The following TMTC2 variants were observed in gnomAD, a reference collection of about 807,000 sequenced individuals.
The protein encoded by TMTC2 is transmembrane O-mannosyltransferase targeting cadherins 2, also known as protein O-mannosyl-transferase TMTC2.
A neutral mutation model predicts 82.4 loss-of-function variants in TMTC2; 43 were observed. The ratio of observed to expected loss-of-function variants is 0.52; its 90% CI spans 0.41 to 0.67. The LOEUF (loss-of-function observed/expected upper bound fraction) is 0.67, where lower values mean the gene tolerates loss of function less well. TMTC2 is among the 30% of genes least tolerant of loss of function. The probability of loss-of-function intolerance (pLI) is 0.00; values close to 1 mark genes in which losing one functional copy is unlikely to be tolerated. For missense variants in TMTC2, 919 were observed against 1,012.4 expected, an observed-to-expected ratio of 0.91 and a Z score of 1.25; for synonymous variants, 408 against 381.9, an observed-to-expected ratio of 1.07 and a Z score of -0.80.
At chr12:82,957,292 A>G (rs1877666208) in intron 4 of TMTC2, among the ~76,000 whole-genome samples, 1 of 152,308 alleles carries the variant, frequency 6.6e-6, no homozygotes. Context: ...ACTTTTGGGT[A>G]AACAACGAAA....
chr12:82,843,189 CG>C (rs1214254994), intron 1 of TMTC2, among the ~76,000 whole-genome samples: 1 of 152,018 alleles, frequency 6.6e-6, no homozygotes, highest in African/African-American at 2.4e-5. Flanking sequence ...CGGGTTCAAG[CG>C]ATTCTCCTGT....
intron 1 of TMTC2, among the ~76,000 whole-genome samples, chr12:82,711,072 G>T (rs1415013826): frequency 1.3e-5 from 2 of 152,082 alleles, no homozygotes; most frequent in Non-Finnish European, 2.9e-5. Flanking sequence ...GCAAGCTTCT[G>T]GTAAGACAAA....
At chr12:83,016,476 T>C (rs1682605) in intron 8 of TMTC2, among the ~76,000 whole-genome samples, 119,970 of 152,088 alleles carry the variant, frequency 0.79, 48,173 homozygotes, top group South Asian at 0.93. Flanking sequence ...GTAACAAGAG[T>C]TCTTTTAAGT....
At chr12:83,040,944 A>G (rs1248534955) in intron 9 of TMTC2, among the ~76,000 whole-genome samples, 1 of 152,018 alleles carries the variant, frequency 6.6e-6, no homozygotes, top group Non-Finnish European at 1.5e-5. Flanking sequence ...TCAGCCTCCC[A>G]AAGTGCTGGG....
intron 11 of TMTC2, among the ~76,000 whole-genome samples, chr12:83,116,601 T>A (rs1401803186): frequency 1.3e-5 from 2 of 152,238 alleles, no homozygotes; most frequent in Non-Finnish European, 2.9e-5. Context: ...CAACATCTAC[T>A]ATTTTGATTT....
At chr12:82,767,709 C>G (rs1214513722) in intron 1 of TMTC2, among the ~76,000 whole-genome samples, 1 of 152,186 alleles carries the variant, frequency 6.6e-6, no homozygotes, top group African/African-American at 2.4e-5. Context: ...CCTTCTTCAT[C>G]TGTTTTTGTC....
chr12:82,898,144 G>A (rs995765588), intron 3 of TMTC2, among the ~76,000 whole-genome samples: 1 of 152,170 alleles, frequency 6.6e-6, no homozygotes, highest in Non-Finnish European at 1.5e-5. Context: ...AAGCATTAAA[G>A]TTGAGCTACT....
At chr12:82,722,559 T>C (rs1874260007) in intron 1 of TMTC2, among the ~76,000 whole-genome samples, 2 of 74,828 alleles carry the variant, frequency 2.7e-5, no homozygotes, top group Non-Finnish European at 2.3e-5. Flanking sequence ...AGAGTGAGAC[T>C]CCATCTCAAA....
At chr12:83,036,779 G>T (rs754614758) in intron 9 of TMTC2, among the ~76,000 whole-genome samples, 5 of 152,080 alleles carry the variant, frequency 3.3e-5, no homozygotes, top group Non-Finnish European at 4.4e-5. Flanking sequence ...GTTTATTTAT[G>T]TCTGCAGGCT....
intron 11 of TMTC2, among the ~76,000 whole-genome samples, chr12:83,132,000 C>G (rs1276775807): frequency 6.6e-6 from 1 of 152,106 alleles, no homozygotes; most frequent in Non-Finnish European, 1.5e-5. Context: ...GAAGCCTGTC[C>G]TTTTTAAAGC....
chr12:82,939,462 T>C (rs1876585171), intron 4 of TMTC2, among the ~76,000 whole-genome samples: 1 of 152,144 alleles, frequency 6.6e-6, no homozygotes, highest in Non-Finnish European at 1.5e-5. Flanking sequence ...AATTTGATAT[T>C]TTTGGGGTTT....
rs945696805 is a variant in TMTC2 at position 82,687,509 on chromosome 12, G to T, written c.-78G>T. ...CTGGGAGGAGAAGGCGGCGGAAGGT[G>T]GAGATTGATGCTTCTGTTTTTTGTT... On this transcript the variant is annotated 5_prime_UTR_variant, in exon 1 of 12. Coordinates refer to ENST00000321196, the MANE Select transcript of TMTC2 (RefSeq NM_152588.3). 7.3e-7 allele frequency: 1 copy of T among 1,377,474 alleles called. No individual in the cohort carries two copies. The highest frequency in any genetic ancestry group is 1.0e-6 in the Non-Finnish European group (1 of 989,258). 85.3% of individuals were successfully genotyped at this position (1,377,474 alleles called of 1,614,324 possible).
At chr12:82,813,456 GTT>G (rs1368796690) in intron 1 of TMTC2, among the ~76,000 whole-genome samples, 2 of 151,838 alleles carry the variant, frequency 1.3e-5, no homozygotes, top group Admixed American at 6.6e-5. Flanking sequence ...CATTTCCTTT[GTT>G]CAGGAGTTTC....
At chr12:82,870,284 T>G (rs1872108403) in intron 2 of TMTC2, among the ~76,000 whole-genome samples, 1 of 152,222 alleles carries the variant, frequency 6.6e-6, no homozygotes, top group Admixed American at 6.5e-5. Flanking sequence ...ATTTGCATTT[T>G]GTCATCCTAG....
chr12:83,046,555 C>T (rs934030212), intron 9 of TMTC2, among the ~76,000 whole-genome samples: 3 of 152,138 alleles, frequency 2.0e-5, no homozygotes, highest in Admixed American at 2.0e-4. Context: ...AAGTGCCTGC[C>T]GTAATCGAGT....
intron 11 of TMTC2, among the ~76,000 whole-genome samples, chr12:83,130,100 A>ATTCCTTG (rs1885218136): frequency 6.6e-6 from 1 of 152,198 alleles, no homozygotes; most frequent in Admixed American, 6.5e-5. Flanking sequence ...GGTCTCCAAC[A>ATTCCTTG]GTGGTTCTCC....
At chr12:82,890,781 GTC>G (rs1873355691) in intron 2 of TMTC2, among the ~76,000 whole-genome samples, 1 of 152,188 alleles carries the variant, frequency 6.6e-6, no homozygotes, top group Non-Finnish European at 1.5e-5. Flanking sequence ...AACACACAGA[GTC>G]TCTCTTTTTT....
intron 1 of TMTC2, among the ~76,000 whole-genome samples, chr12:82,748,895 TACAC>T (rs753847996): frequency 1.8e-4 from 28 of 152,274 alleles, no homozygotes; most frequent in African/African-American, 3.9e-4. Context: ...ATCACACACA[TACAC>T]ACACACGTAT....
intron 1 of TMTC2, among the ~76,000 whole-genome samples, chr12:82,688,894 TCTC>T (rs1872457580): frequency 6.6e-6 from 1 of 152,164 alleles, no homozygotes; most frequent in African/African-American, 2.4e-5. Flanking sequence ...GTGTGCCCAT[TCTC>T]CTGCTAAAAG....
Sources: allele counts gnomAD v4.1 joint callset (sites outside exome capture counted in the v4.1 genomes callset), GRCh38; gene constraint gnomAD v4.1.1; transcripts MANE v1.5; gene names NCBI Gene and HGNC (gene_info 2026-07-23, HGNC 2026-07-21).